The following PI4KA variants were observed in gnomAD, a reference collection of about 807,000 sequenced individuals.
PI4KA encodes the protein phosphatidylinositol 4-kinase alpha, also known as PI4-kinase alpha.
A neutral mutation model predicts 271.4 loss-of-function variants in PI4KA; 122 were observed. The ratio of observed to expected loss-of-function variants is 0.45; its 90% CI spans 0.39 to 0.52. The LOEUF is 0.52. Among genes scored for constraint, PI4KA ranks in the 20% least tolerant of loss-of-function variants. PI4KA has a pLI of 0.00. For missense variants in PI4KA, 1,969 were observed against 2,769.1 expected (o/e 0.71, Z 6.48); for synonymous variants, 1,041 against 1,078.8 (o/e 0.96, Z 0.69).
intron 29 of PI4KA, among the ~76,000 whole-genome samples, chr22:20,745,820 T>A (rs150560787): frequency 6.6e-6 from 1 of 151,960 alleles, no homozygotes; most frequent in East Asian, 1.9e-4. Flanking sequence ...ACACACACAA[T>A]GTCCTGGCAT....
intron 36 of PI4KA, among the ~76,000 whole-genome samples, chr22:20,730,899 G>A (rs990737878): frequency 6.6e-6 from 1 of 151,892 alleles, no homozygotes; most frequent in East Asian, 2.0e-4. Context: ...AGAATAGGCT[G>A]AGCACAGTGG....
At chr22:20,802,495 G>A (rs1935387447) in intron 13 of PI4KA, among the ~76,000 whole-genome samples, 4 of 152,158 alleles carry the variant, frequency 2.6e-5, no homozygotes. Context: ...GGGCCTTAGA[G>A]CCTGAGAGAA....
At chr22:20,800,497 G>A (rs1384413142) in intron 14 of PI4KA, among the ~76,000 whole-genome samples, 6 of 151,984 alleles carry the variant, frequency 3.9e-5, no homozygotes, top group Non-Finnish European at 7.4e-5. Flanking sequence ...ATGATGATAC[G>A]TTACTCTGGA....
At chr22:20,848,749 G>GT (rs1369187382) in intron 1 of PI4KA, among the ~76,000 whole-genome samples, 1 of 151,918 alleles carries the variant, frequency 6.6e-6, no homozygotes, top group Admixed American at 6.6e-5. Flanking sequence ...AAACACAGGT[G>GT]TAAGTCTTTG....
intron 8 of PI4KA, among the ~76,000 whole-genome samples, chr22:20,812,122 T>G (rs1174148158): frequency 6.6e-6 from 1 of 152,100 alleles, no homozygotes; most frequent in Non-Finnish European, 1.5e-5. Flanking sequence ...AGTCTTCAGT[T>G]AGAATTTCTG....
chr22:20,710,669 G>T (rs371792157), intron 52 of PI4KA, 30 bp downstream of exon 52: 1 of 1,612,600 alleles, frequency 6.2e-7, no homozygotes, highest in African/African-American at 1.3e-5. Context: ...CACCCCCTCC[G>T]CCTCCACCCT....
At chr22:20,812,610 A>G (rs1708148469) in intron 8 of PI4KA, among the ~76,000 whole-genome samples, 2 of 152,292 alleles carry the variant, frequency 1.3e-5, no homozygotes, top group East Asian at 1.9e-4. Context: ...GCTGGAGTGC[A>G]GTGCTGCGAT....
intron 1 of PI4KA, among the ~76,000 whole-genome samples, chr22:20,839,176 C>T (rs761148234): frequency 1.4e-4 from 22 of 151,890 alleles, no homozygotes; most frequent in Non-Finnish European, 2.8e-4. Context: ...AAGATCGTGC[C>T]ACTGCACTCC....
rs749720054 is a variant in PI4KA at position 20,779,383 on chromosome 22, C to T, written c.2329-13690G>A. ...TCTGCGTGGGGTGGGAGCAAAGGCCCGCTGGATCAGCTAGAGAAAGGAGGG... is the reference window on the plus strand; with the variant it reads ...TCTGCGTGGGGTGGGAGCAAAGGCCTGCTGGATCAGCTAGAGAAAGGAGGG... On this transcript the variant is annotated intron_variant, in intron 19 of 54. Transcript: ENST00000255882. 59 of 1,614,100 alleles carry T rather than the reference C, an allele frequency of 3.7e-5. No homozygotes were observed. Among genetic ancestry groups the T allele is most frequent in the Non-Finnish European group, 4.5e-5 (53 of 1,180,050 alleles).
chr22:20,721,559 A>G (rs1926741166), intron 42 of PI4KA, 141 bp from the exon 43 acceptor site: 1 of 818,238 alleles, frequency 1.2e-6, no homozygotes, highest in East Asian at 2.5e-5. Flanking sequence ...CAAGCTCTCC[A>G]GGATTGATGT....
At chr22:20,804,213 G>T in intron 12 of PI4KA, 87 bp downstream of exon 12, 2 of 885,366 alleles carry the variant, frequency 2.3e-6, no homozygotes, top group Non-Finnish European at 3.8e-6. Context: ...CTGCTGGTGT[G>T]CCCACCACAG....
intron 1 of PI4KA, among the ~76,000 whole-genome samples, chr22:20,853,046 G>A (rs1046947945): frequency 2.6e-5 from 4 of 152,132 alleles, no homozygotes; most frequent in Non-Finnish European, 5.9e-5. Context: ...AGACCAGCCT[G>A]GGCAAAATGG....
chr22:20,793,132 C>T (rs932851339), intron 19 of PI4KA, 61 bp downstream of exon 19: 5 of 990,562 alleles, frequency 5.0e-6, no homozygotes, highest in African/African-American at 3.2e-5. Context: ...CGTCACCAGG[C>T]AACACTTAAA....
At chr22:20,794,178 C>T (rs1934833081) in intron 18 of PI4KA, among the ~76,000 whole-genome samples, 1 of 152,206 alleles carries the variant, frequency 6.6e-6, no homozygotes, top group African/African-American at 2.4e-5. Context: ...CTGCCTGGTC[C>T]CCTCTGGGAA....
chr22:20,742,000 G>A (rs557935048), intron 32 of PI4KA, among the ~76,000 whole-genome samples: 2 of 152,302 alleles, frequency 1.3e-5, no homozygotes, highest in Non-Finnish European at 2.9e-5. Context: ...TCCCCCTACC[G>A]AGGTTTTGGG....
rs149520312 is a variant in PI4KA, at chr22:20,791,727, C to T, written c.2328+1466G>A. On this transcript the variant is annotated intron_variant, in intron 19 of 54. Coordinates refer to ENST00000255882, the MANE Select transcript of PI4KA (RefSeq NM_058004.4). ...GGGCTGATACTCTGCCACTGCACTC[C>T]AATCTAGGTGCCAGAATGAGACCCT... is the stretch of plus-strand genomic sequence containing the variant. Among the ~76,000 whole-genome samples the T allele has an allele frequency of 1.8e-3, 268 of 152,134 alleles. 4 individuals carry two copies. In the East Asian group the frequency reaches 0.045, roughly 25 times the overall value.
In PI4KA at chr22:20,727,270, G is replaced by A. The variant is rs753406254; in HGVS notation, c.4901C>T (p.Thr1634Met). The A allele has an allele frequency of 2.6e-5, 42 of 1,613,496 alleles. No individual in the cohort carries two copies. Among genetic ancestry groups the A allele is most frequent in the South Asian group, 7.7e-5 (7 of 91,042 alleles). ...CAGGACTTTCACCCCGTACTGCGCC[G>A]TGAGAGGGTGCGGCGGGTACATGCT... ...FSSMYPPHPL[T>M]AQYGVKVLRS... Residue 1634 changes from threonine (T) to methionine (M), a missense_variant, in exon 41 of 55, where the codon ACG (threonine) becomes ATG (methionine). Thr to Met is a moderately conservative substitution (Grantham distance 81). Coordinates refer to ENST00000255882, the MANE Select transcript of PI4KA (RefSeq NM_058004.4).
chr22:20,746,309 G>A (rs937138029), intron 29 of PI4KA, among the ~76,000 whole-genome samples: 12 of 151,922 alleles, frequency 7.9e-5, no homozygotes, highest in Non-Finnish European at 1.3e-4. Context: ...TGATCCGCCC[G>A]CCTTGGCCTC....
At chr22:20,834,306 C>T (rs962124487) in intron 3 of PI4KA, among the ~76,000 whole-genome samples, 1 of 152,180 alleles carries the variant, frequency 6.6e-6, no homozygotes, top group Non-Finnish European at 1.5e-5. Flanking sequence ...TCTTGAAGGT[C>T]TCAACGTTCT....
Sources: gnomAD v4.1 joint callset for allele counts (sites outside exome capture counted in the v4.1 genomes callset) on GRCh38, gnomAD v4.1.1 for gene constraint, MANE v1.5 for transcripts, NCBI Gene and HGNC (gene_info 2026-07-23, HGNC 2026-07-21) for gene names.